Variants in SLC5A11 observed in about 807,000 individuals in gnomAD.
The protein encoded by SLC5A11 is solute carrier family 5 member 11.
In SLC5A11, 48 loss-of-function variants were observed where a neutral mutation model predicts 69.8. The observed-to-expected ratio is 0.69, with a 90% confidence interval of 0.55 to 0.87. The LOEUF (loss-of-function observed/expected upper bound fraction) is 0.87. Ranked by LOEUF, SLC5A11 falls within the 40% of genes least tolerant of loss-of-function variation. The pLI is 0.00. For synonymous variants in SLC5A11, 319 were observed against 342.4 expected (o/e 0.93, Z 0.75); for missense variants, 784 against 866.1 (o/e 0.91, Z 1.19).
At position 24,849,572 on chromosome 16, in the gene SLC5A11, CAAAAAAAA is replaced by C. The variant is rs1182615959; in HGVS notation, c.-25+3149_-25+3156del. 9.5e-3 allele frequency among the ~76,000 whole-genome samples: 366 copies of C among 38,466 alleles called. 11 individuals are homozygous for C. Among genetic ancestry groups the C allele is most frequent in the African/African-American group, 0.04 (339 of 8,508 alleles). 25.2% of individuals were successfully genotyped at this position (38,466 alleles called of 152,430 possible). On this transcript the variant is annotated intron_variant, in intron 1 of 15. Transcript: ENST00000347898. Reference sequence around the variant, plus strand: ...ACAGAGCGAGACTCTGCCTTGGGGGCAAAAAAAAAAAAAAAAAAAAAATATATATATAT... The same window carrying C: ...ACAGAGCGAGACTCTGCCTTGGGGGCAAAAAAAAAAAAAATATATATATAT...
chr16:24,901,524 A>G (rs1009886020), intron 10 of SLC5A11, among the ~76,000 whole-genome samples: 1 of 152,106 alleles, frequency 6.6e-6, no homozygotes, highest in Admixed American at 6.6e-5. Context: ...CTGAGGTGGG[A>G]GGATCGCTTG....
chr16:24,910,621 C>T (rs1597332137), intron 15 of SLC5A11, 144 bp downstream of exon 16: 1 of 916,030 alleles, frequency 1.1e-6, no homozygotes, highest in South Asian at 1.8e-5. Flanking sequence ...TCTGATCTGT[C>T]CCCACGCTCC....
chr16:24,907,956 G>A lies in SLC5A11; in HGVS notation c.1266-7G>A, dbSNP rs2050197409. ...TGCTAATTTGTGCCTCTCGCCGCCG[G>A]CACCAGGGTGTTTGTGCTGCTGCTG... is the stretch of plus-strand genomic sequence containing the variant. On this transcript the variant is annotated splice_region_variant and splice_polypyrimidine_tract_variant and intron_variant, in intron 12 of 15. Transcript: ENST00000347898. 6.2e-7 allele frequency: 1 copy of A among 1,613,818 alleles called. No homozygotes were observed. The highest frequency in any genetic ancestry group is 8.5e-7 in the Non-Finnish European group (1 of 1,179,898).
At chr16:24,886,183 C>T (rs767801507) in intron 8 of SLC5A11, among the ~76,000 whole-genome samples, 12 of 151,968 alleles carry the variant, frequency 7.9e-5, no homozygotes, top group Non-Finnish European at 1.3e-4. Flanking sequence ...TACGGACACA[C>T]GCCACCATGC....
chr16:24,874,116 C>T (rs902060937), intron 5 of SLC5A11, among the ~76,000 whole-genome samples: 3 of 152,214 alleles, frequency 2.0e-5, no homozygotes, highest in South Asian at 2.1e-4. Context: ...TGTGAGCCAC[C>T]GCACCCAGCT....
intron 3 of SLC5A11, among the ~76,000 whole-genome samples, chr16:24,863,570 A>G (rs1319051218): frequency 6.6e-6 from 1 of 152,098 alleles, no homozygotes; most frequent in Non-Finnish European, 1.5e-5. Flanking sequence ...TGGAAAAGTC[A>G]CATTTGAACG....
exon 4 of SLC5A11, chr16:24,869,929 T>A (rs772580767): frequency 6.2e-7 from 1 of 1,614,070 alleles, no homozygotes; most frequent in Non-Finnish European, 8.5e-7. Context: ...GCCAGCAATG[T>A]TGGAAGTGGA....
intron 9 of SLC5A11, among the ~76,000 whole-genome samples, chr16:24,897,120 T>C (rs1413997741): frequency 2.0e-5 from 3 of 151,646 alleles, no homozygotes; most frequent in African/African-American, 7.3e-5. Context: ...ACCCAGCTAA[T>C]TTTTGTATTT....
chr16:24,908,416 T>C (rs576411306), intron 13 of SLC5A11, among the ~76,000 whole-genome samples: 33 of 151,960 alleles, frequency 2.2e-4, no homozygotes, highest in Non-Finnish European at 3.8e-4. Flanking sequence ...CTGGCCAACA[T>C]GGTGAAAGCC....
At chr16:24,897,476 G>C (rs1343271094) in intron 9 of SLC5A11, among the ~76,000 whole-genome samples, 1 of 152,104 alleles carries the variant, frequency 6.6e-6, no homozygotes, top group Non-Finnish European at 1.5e-5. Flanking sequence ...GGAAAGAGAT[G>C]TTTCTTCAAA....
chr16:24,902,070 C>T (rs2049670067), intron 10 of SLC5A11, among the ~76,000 whole-genome samples: 1 of 151,948 alleles, frequency 6.6e-6, no homozygotes, highest in Non-Finnish European at 1.5e-5. Flanking sequence ...TGTGTTCGAG[C>T]CACTGCATTC....
chr16:24,870,781 CA>C (rs57742222), intron 4 of SLC5A11, among the ~76,000 whole-genome samples: 10,527 of 65,608 alleles, frequency 0.16, 155 homozygotes, highest in East Asian at 0.33. Flanking sequence ...CTCTGTCTCA[CA>C]AAAAAAAAAA....
At chr16:24,892,354 C>T (rs543363229) in intron 9 of SLC5A11, among the ~76,000 whole-genome samples, 2 of 150,916 alleles carry the variant, frequency 1.3e-5, no homozygotes, top group South Asian at 2.1e-4. Context: ...AGAAGGAACA[C>T]CCAGAGCGAG....
exon 16 of SLC5A11, chr16:24,911,385 T>C (rs1396285519): frequency 2.5e-6 from 4 of 1,614,026 alleles, no homozygotes; most frequent in East Asian, 4.5e-5. Flanking sequence ...CTCTGTGGAA[T>C]ACAGGAGAAG....
At chr16:24,847,782 A>C (rs192161990) in intron 1 of SLC5A11, among the ~76,000 whole-genome samples, 1 of 152,340 alleles carries the variant, frequency 6.6e-6, no homozygotes, top group African/African-American at 2.4e-5. Flanking sequence ...GGGCGGTCAC[A>C]GCGTGCAAAG....
At chr16:24,909,477 A>G (rs1294626574) in intron 14 of SLC5A11, among the ~76,000 whole-genome samples, 3 of 151,830 alleles carry the variant, frequency 2.0e-5, no homozygotes, top group African/African-American at 7.3e-5. Context: ...CCGTCTCTTA[A>G]AAAAATGAAA....
intron 1 of SLC5A11, among the ~76,000 whole-genome samples, chr16:24,849,593 A>AAAAATAT: frequency 1.4e-4 from 5 of 35,910 alleles, no homozygotes; most frequent in African/African-American, 1.8e-4. Context: ...AAAAAAAAAA[A>AAAAATAT]ATATATATAT....
intron 7 of SLC5A11, among the ~76,000 whole-genome samples, chr16:24,882,422 C>A (rs2152336062): frequency 6.6e-6 from 1 of 152,256 alleles, no homozygotes. Flanking sequence ...GAGCCCTATT[C>A]CTGCTGGGAA....
chr16:24,859,675 T>G (rs1465195243), intron 2 of SLC5A11, among the ~76,000 whole-genome samples: 1 of 152,256 alleles, frequency 6.6e-6, no homozygotes. Flanking sequence ...TTTAGCTTTC[T>G]ATTTTTCACT....
Sources: gnomAD v4.1 joint callset for allele counts (sites outside exome capture counted in the v4.1 genomes callset) on GRCh38, gnomAD v4.1.1 for gene constraint, MANE v1.5 for transcripts, NCBI Gene and HGNC (gene_info 2026-07-23, HGNC 2026-07-21) for gene names.